Variants in LONRF1 observed in about 807,000 individuals in gnomAD.
LONRF1 encodes the protein LON peptidase N-terminal domain and RING finger protein 1.
LONRF1 carries 37 observed loss-of-function variants against 85.8 expected under a neutral mutation model. That is an observed-to-expected ratio of 0.43 (90% CI 0.33 to 0.57). The LOEUF (loss-of-function observed/expected upper bound fraction) is 0.57, where lower values mean the gene tolerates loss of function less well. LONRF1 is among the 20% of genes least tolerant of loss of function. LONRF1 has a pLI of 0.04. For synonymous variants in LONRF1, 517 were observed against 390.1 expected (o/e 1.33, Z -3.83); for missense variants, 1,036 against 978.0 (o/e 1.06, Z -0.79).
In LONRF1 at chr8:12,754,870, G is replaced by A; in HGVS notation, c.551C>T (p.Ala184Val). 6.7e-7 allele frequency: 1 copy of A among 1,493,266 alleles called. No individual in the cohort carries two copies. The highest frequency in any genetic ancestry group is 1.3e-5 in the South Asian group (1 of 79,492). 92.5% of individuals were successfully genotyped at this position (1,493,266 alleles called of 1,614,324 possible). The change falls in exon 1 of 12, where the codon GCC (alanine) becomes GTC (valine). Residue 184 changes from alanine (A) to valine (V), a missense_variant. By Grantham distance (64) the Ala-to-Val change is moderately conservative. Around this residue, in one of 3 missense-constraint regions of LONRF1, gnomAD observed 742 missense variants for 614.4 expected, o/e 1.21. Transcript: ENST00000398246. Reference sequence around the variant, plus strand: ...TCTGAAGTCTGAAGCGGCGATGGCGGCGGCCAGAGGCGGCGGCCGCGGGGC... The same window carrying A: ...TCTGAAGTCTGAAGCGGCGATGGCGACGGCCAGAGGCGGCGGCCGCGGGGC... ...GTAPRPPPLA[A>V]AIAASDFRTS... is the part of the protein sequence containing the mutation.
chr8:12,751,453 A>C (rs1353881327), intron 1 of LONRF1, among the ~76,000 whole-genome samples: 2 of 149,918 alleles, frequency 1.3e-5, no homozygotes, highest in South Asian at 2.1e-4. Flanking sequence ...ACAGGCATGC[A>C]CCACCACGCC....
intron 1 of LONRF1, among the ~76,000 whole-genome samples, chr8:12,746,870 C>T (rs1362365726): frequency 4.6e-5 from 7 of 152,150 alleles, no homozygotes; most frequent in African/African-American, 7.2e-5. Context: ...CAGTCTCTAC[C>T]CCAAGGCTTA....
At chr8:12,734,463 A>G (rs1798644326) in intron 7 of LONRF1, among the ~76,000 whole-genome samples, 1 of 152,164 alleles carries the variant, frequency 6.6e-6, no homozygotes, top group African/African-American at 2.4e-5. Flanking sequence ...ACTTTCCCCA[A>G]TCAACGCTAC....
At chr8:12,747,717 T>G (rs932949034) in intron 1 of LONRF1, among the ~76,000 whole-genome samples, 2 of 151,942 alleles carry the variant, frequency 1.3e-5, no homozygotes, top group Non-Finnish European at 2.9e-5. Flanking sequence ...CAGAGAGGGC[T>G]GTCTTATTTC....
In LONRF1 at chr8:12,722,214, CA is replaced by C. The variant is rs932847179; in HGVS notation, c.*881del. The C allele has an allele frequency of 3.9e-5, 6 of 152,340 alleles. No individual in the cohort carries two copies. The highest frequency in any genetic ancestry group is 1.2e-4 in the African/African-American group (5 of 41,458). The allele number at this position is 152,340 out of a possible 1,614,324, so 9.4% of individuals were successfully genotyped here. The stretch of plus-strand genomic sequence containing the variant: ...AGATCCTTAATGGGTTTATACTATG[CA>C]TTTTTTTTTAAAACAAACACATCAT... On this transcript the variant is annotated 3_prime_UTR_variant, in exon 12 of 12. Transcript: ENST00000398246.
At position 12,755,336 on chromosome 8, in the gene LONRF1, C is replaced by T; in HGVS notation, c.85G>A (p.Glu29Lys). The change falls in exon 1 of 12, where the codon GAA becomes AAA. Residue 29 changes from glutamate (E) to lysine (K), a missense_variant. Physicochemically the swap from Glu to Lys is moderately conservative, Grantham distance 56. Coordinates refer to ENST00000398246, the MANE Select transcript of LONRF1 (RefSeq NM_152271.5). Reference sequence around the variant, plus strand: ...CGATGGCCGCTGCCGCCGCCCACTTCCCAGAACCGGCCTCGGCCCTGCGGC... The same window carrying T: ...CGATGGCCGCTGCCGCCGCCCACTTTCCAGAACCGGCCTCGGCCCTGCGGC... ...PAPQGRGRFW[E>K]VGGGSGHRLE... 2.4e-6 allele frequency: 3 copies of T among 1,252,236 alleles called. No homozygotes were observed. The highest frequency in any genetic ancestry group is 1.6e-5 in the African/African-American group (1 of 63,332). 77.6% of individuals were successfully genotyped at this position (1,252,236 alleles called of 1,614,324 possible).
intron 7 of LONRF1, among the ~76,000 whole-genome samples, chr8:12,733,870 A>C (rs1798621214): frequency 6.6e-6 from 1 of 152,192 alleles, no homozygotes; most frequent in African/African-American, 2.4e-5. Flanking sequence ...TGAATTTACA[A>C]ATTATATTAC....
At chr8:12,726,903 A>G (rs1798329120) in intron 10 of LONRF1, among the ~76,000 whole-genome samples, 2 of 152,176 alleles carry the variant, frequency 1.3e-5, no homozygotes, top group Admixed American at 6.5e-5. Flanking sequence ...TGTTTTTTGC[A>G]TAACAATGTG....
chr8:12,743,709 T>C (rs1322513949), intron 1 of LONRF1, among the ~76,000 whole-genome samples: 4 of 152,154 alleles, frequency 2.6e-5, no homozygotes, highest in Non-Finnish European at 4.4e-5. Flanking sequence ...CGTGTAACTA[T>C]TACATATGGA....
At chr8:12,731,590 A>G in intron 8 of LONRF1, 146 bp downstream of exon 8, 4 of 628,670 alleles carry the variant, frequency 6.4e-6, no homozygotes, top group Non-Finnish European at 1.1e-5. Flanking sequence ...CTTTTATAAG[A>G]TTCTGTCTGT....
chr8:12,740,066 C>T (rs1798871033), intron 3 of LONRF1, among the ~76,000 whole-genome samples: 1 of 151,964 alleles, frequency 6.6e-6, no homozygotes, highest in Non-Finnish European at 1.5e-5. Context: ...GTTGGTGGGC[C>T]CAGGACTCTT....
chr8:12,724,059 T>A (rs761404719), intron 11 of LONRF1, among the ~76,000 whole-genome samples: 1 of 152,178 alleles, frequency 6.6e-6, no homozygotes, highest in Admixed American at 6.5e-5. Flanking sequence ...TCAGTGCTGA[T>A]CTCAGTAGGC....
intron 1 of LONRF1, among the ~76,000 whole-genome samples, chr8:12,748,012 G>C (rs1449242723): frequency 6.6e-6 from 1 of 151,884 alleles, no homozygotes; most frequent in Non-Finnish European, 1.5e-5. Context: ...TGTAATACTA[G>C]TCCACATGAT....
Position 12,755,062 on chromosome 8 carries a change from A to G in LONRF1, c.359T>C (p.Leu120Pro), listed in dbSNP as rs969252748. 5 of 1,475,016 alleles carry G rather than the reference A, an allele frequency of 3.4e-6. No homozygotes were observed. The highest frequency in any genetic ancestry group is 3.6e-6 in the Non-Finnish European group (4 of 1,118,714). The allele number at this position is 1,475,016 out of a possible 1,614,324, so 91.4% of individuals were successfully genotyped here. Residue 120 changes from leucine to proline, a missense_variant, in exon 1 of 12, where the codon CTC (leucine) becomes CCC (proline). By Grantham distance (98) the Leu-to-Pro change is moderately conservative. Coordinates refer to ENST00000398246, the MANE Select transcript of LONRF1 (RefSeq NM_152271.5). The part of the protein sequence containing the change: ...VAGADGGAGG[L>P]LRCLGCRGFL... ...GCCCCGGCAGCCCAGGCATCTGAGGAGCCCGCCGGCGCCGCCGTCAGCGCC... is the reference window on the plus strand; with the variant it reads ...GCCCCGGCAGCCCAGGCATCTGAGGGGCCCGCCGGCGCCGCCGTCAGCGCC...
intron 8 of LONRF1, 154 bp from the exon 9 acceptor site, chr8:12,729,486 C>G: frequency 1.5e-6 from 1 of 666,648 alleles, no homozygotes; most frequent in Non-Finnish European, 2.5e-6. Flanking sequence ...TTGGCAAGAA[C>G]AAGAATCAGC....
chr8:12,748,628 G>A lies in LONRF1; in HGVS notation c.722-5346C>T, dbSNP rs990238396. 2.6e-5 allele frequency among the ~76,000 whole-genome samples: 4 copies of A among 152,034 alleles called. 1 individual carries two copies. Among genetic ancestry groups the A allele is most frequent in the East Asian group, 3.9e-4 (2 of 5,194 alleles). On this transcript the variant is annotated intron_variant, in intron 1 of 11. Transcript: ENST00000398246. ...AAATACATAAATTAAAAATAGCATCGTAATTTTAACAACCTCCATTTCTTC... is the reference window on the plus strand; with the variant it reads ...AAATACATAAATTAAAAATAGCATCATAATTTTAACAACCTCCATTTCTTC...
In LONRF1 at chr8:12,734,030, C is replaced by T. The variant is rs74688851; in HGVS notation, c.1566+1256G>A. ...TCAAAGCAATAGATCTAATATTATG[C>T]CAAAAACCACAATTACTTTTGCACC... On this transcript the variant is annotated intron_variant, in intron 7 of 11. Coordinates refer to ENST00000398246, the MANE Select transcript of LONRF1 (RefSeq NM_152271.5). 1.6e-3 allele frequency among the ~76,000 whole-genome samples: 249 copies of T among 152,178 alleles called. 6 individuals are homozygous for T. In the East Asian group the frequency reaches 0.042, roughly 26 times the overall value.
intron 1 of LONRF1, among the ~76,000 whole-genome samples, chr8:12,752,658 A>G (rs1319778918): frequency 6.6e-6 from 1 of 152,252 alleles, no homozygotes; most frequent in Admixed American, 6.5e-5. Flanking sequence ...CCTGTTAAAC[A>G]TAATATCCTC....
In LONRF1 at chr8:12,755,303, G is replaced by A. The variant is rs1227271699; in HGVS notation, c.118C>T (p.Arg40Cys). 8 of 1,247,098 alleles carry A rather than the reference G, an allele frequency of 6.4e-6. No individual in the cohort carries two copies. Among genetic ancestry groups the A allele is most frequent in the Admixed American group, 3.9e-5 (1 of 25,846 alleles). 77.3% of individuals were successfully genotyped at this position (1,247,098 alleles called of 1,614,324 possible). The change falls in exon 1 of 12, where the codon CGC becomes TGC. Residue 40 changes from arginine to cysteine, a missense_variant. Physicochemically the swap from Arg to Cys is radical, Grantham distance 180. Around this residue, in one of 3 missense-constraint regions of LONRF1, gnomAD observed 742 missense variants for 614.4 expected, o/e 1.21. Transcript: ENST00000398246. The part of the protein sequence containing the change: ...VGGGSGHRLE[R>C]AAAESERWEL... ...CAGCGCTCCGACTCCGCGGCCGCGC[G>A]CTCCAGCCGATGGCCGCTGCCGCCG...
Sources: gnomAD v4.1 joint callset for allele counts (sites outside exome capture counted in the v4.1 genomes callset) on GRCh38, gnomAD v4.1.1 for gene constraint, gnomAD v4.1.1 regional missense constraint, MANE v1.5 for transcripts, NCBI Gene and HGNC (gene_info 2026-07-23, HGNC 2026-07-21) for gene names.